The following PCDHGA8 variants were observed in gnomAD, a reference collection of about 807,000 sequenced individuals.
PCDHGA8 encodes protocadherin gamma-A8.
A neutral mutation model predicts 59.2 loss-of-function variants in PCDHGA8; 45 were observed. That is an observed-to-expected ratio of 0.76 (90% CI 0.60 to 0.98). PCDHGA8 has a LOEUF of 0.98. PCDHGA8 is among the 50% of genes least tolerant of loss of function. PCDHGA8 has a pLI of 0.00. For synonymous variants in PCDHGA8, 531 were observed against 519.0 expected, an observed-to-expected ratio of 1.02 and a Z score of -0.32; for missense variants, 1,257 against 1,196.2, an observed-to-expected ratio of 1.05 and a Z score of -0.75.
chr5:141,445,025 C>T (rs2154560886), intron 1 of PCDHGA8, among the ~76,000 whole-genome samples: 2 of 152,200 alleles, frequency 1.3e-5, no homozygotes, highest in Middle Eastern at 6.8e-3. Flanking sequence ...TTTCTCTCAG[C>T]TATGTTGTAT....
intron 1 of PCDHGA8, chr5:141,478,619 A>G: frequency 6.4e-7 from 1 of 1,555,598 alleles, no homozygotes; most frequent in Non-Finnish European, 8.7e-7. Context: ...GAAGGAATGG[A>G]GCTGTTTTTT....
At chr5:141,403,501 G>A in intron 1 of PCDHGA8, 1 of 1,614,048 alleles carries the variant, frequency 6.2e-7, no homozygotes, top group South Asian at 1.1e-5. Context: ...TGAACGTGCA[G>A]ACTGGAGACA....
Position 141,431,473 on chromosome 5 carries a change from C to A in PCDHGA8, c.2424+36236C>A, listed in dbSNP as rs750300971. 16 of 1,613,714 alleles carry A rather than the reference C, an allele frequency of 9.9e-6. 1 individual carries two copies. The highest frequency in any genetic ancestry group is 9.3e-5 in the African/African-American group (7 of 74,948). On this transcript the variant is annotated intron_variant, in intron 1 of 3. Transcript: ENST00000398604. This position sits in a 1 kb window ranked among gnomAD's most constrained non-coding sequence, Gnocchi z 4.8. Reference sequence around the variant, plus strand: ...TGATGGTTCTGGATGCGAACGACAACGCACCAGCGTTTGCTCAGCCCGAGT... The same window carrying A: ...TGATGGTTCTGGATGCGAACGACAAAGCACCAGCGTTTGCTCAGCCCGAGT...
Position 141,420,043 on chromosome 5 carries a change from G to T in PCDHGA8, c.2424+24806G>T, listed in dbSNP as rs747553514. On this transcript the variant is annotated intron_variant, in intron 1 of 3. Coordinates refer to ENST00000398604, the MANE Select transcript of PCDHGA8 (RefSeq NM_032088.2). ...GCCCTACTGCAGGAGACTGCTTTGAGTCAGTTCTCTGCTCCAAGTCCGGAC... is the reference window on the plus strand; with the variant it reads ...GCCCTACTGCAGGAGACTGCTTTGATTCAGTTCTCTGCTCCAAGTCCGGAC... The T allele has an allele frequency of 1.9e-6, 3 of 1,614,078 alleles. No individual in the cohort carries two copies. In the Admixed American group the frequency reaches 5.0e-5, roughly 27 times the overall value.
intron 1 of PCDHGA8, chr5:141,424,504 G>GT (rs892941709): frequency 6.6e-6 from 1 of 152,016 alleles, no homozygotes; most frequent in African/African-American, 2.4e-5. Context: ...TGTATGGAAG[G>GT]TTTTTTAATG....
At chr5:141,463,587 T>TA (rs2099064735) in intron 1 of PCDHGA8, among the ~76,000 whole-genome samples, 1 of 152,058 alleles carries the variant, frequency 6.6e-6, no homozygotes, top group East Asian at 1.9e-4. Context: ...TAGCTGGGAC[T>TA]ACAGGTGCCT....
At chr5:141,501,290 T>TACACACACAC (rs55762287) in intron 2 of PCDHGA8, among the ~76,000 whole-genome samples, 12 of 136,162 alleles carry the variant, frequency 8.8e-5, no homozygotes, top group Admixed American at 4.7e-4. Context: ...TATTCCCTTA[T>TACACACACAC]ACACACACAC....
chr5:141,403,004 T>A, intron 1 of PCDHGA8: 1 of 1,613,990 alleles, frequency 6.2e-7, no homozygotes, highest in Non-Finnish European at 8.5e-7. Context: ...CCTGCTATGC[T>A]CGCTCCTGGG....
chr5:141,478,652 G>A (rs188883724), intron 1 of PCDHGA8: 2 of 1,551,970 alleles, frequency 1.3e-6, no homozygotes, highest in East Asian at 2.4e-5. Flanking sequence ...TGTTTTCCTG[G>A]TGATGCATTC....
intron 1 of PCDHGA8, chr5:141,416,276 A>G (rs553989511): frequency 6.6e-6 from 1 of 152,388 alleles, no homozygotes; most frequent in East Asian, 1.9e-4. Context: ...TTTTGCATAC[A>G]ATTCTCTAAT....
chr5:141,423,806 T>C (rs2096783171), intron 1 of PCDHGA8: 1 of 1,251,576 alleles, frequency 8.0e-7, no homozygotes, highest in Non-Finnish European at 1.0e-6. Flanking sequence ...GCAATACATG[T>C]GAGTTTTACT....
Position 141,475,143 on chromosome 5 carries a change from T to TC in PCDHGA8, c.2425-19662dup, listed in dbSNP as rs372338581. On this transcript the variant is annotated intron_variant, in intron 1 of 3. Transcript: ENST00000398604. ...GGCTTTTTTTCTTTTTGAAATCTTC[T>TC]CCGTCTTCTTCTTCATTAGCAGTGC... Among the ~76,000 whole-genome samples the TC allele has an allele frequency of 4.9e-3, 751 of 152,356 alleles. 5 individuals carry two copies. Among genetic ancestry groups the TC allele is most frequent in the Non-Finnish European group, 6.5e-3 (439 of 68,034 alleles).
intron 2 of PCDHGA8, 147 bp from the exon 3 acceptor site, chr5:141,505,246 G>A (rs2099844792): frequency 2.1e-6 from 3 of 1,436,556 alleles, no homozygotes; most frequent in African/African-American, 1.4e-5. Flanking sequence ...AAGGATTGTA[G>A]AAGTGCCTCC....
intron 3 of PCDHGA8, among the ~76,000 whole-genome samples, chr5:141,506,598 G>A (rs1056005258): frequency 6.6e-6 from 1 of 152,130 alleles, no homozygotes; most frequent in Non-Finnish European, 1.5e-5. Context: ...CAGTATTAAC[G>A]GATCTCATTG....
intron 1 of PCDHGA8, among the ~76,000 whole-genome samples, chr5:141,438,614 A>G (rs1208036297): frequency 5.8e-5 from 2 of 34,396 alleles, no homozygotes. Context: ...ATATATATAT[A>G]TATATATATA....
In PCDHGA8 at chr5:141,486,001, C is replaced by T. The variant is rs771993915; in HGVS notation, c.2425-8806C>T. ...ACCCGGACCTGGGTCCCAGTGGTAA[C>T]GTCACCTTTTATTTCAGTGGTCATA... On this transcript the variant is annotated intron_variant, in intron 1 of 3. Coordinates refer to ENST00000398604, the MANE Select transcript of PCDHGA8 (RefSeq NM_032088.2). This position sits in a 1 kb window ranked among gnomAD's most constrained non-coding sequence, Gnocchi z 5.0. The T allele has an allele frequency of 2.5e-6, 4 of 1,614,076 alleles. No homozygotes were observed. The highest frequency in any genetic ancestry group is 8.5e-7 in the Non-Finnish European group (1 of 1,180,032).
chr5:141,485,735 G>C lies in PCDHGA8; in HGVS notation c.2425-9072G>C, dbSNP rs1562107417. ...ACTGGATGTGAAGAAGCGCAGCGAC[G>C]GCAGCCTGGTCCCAGAGCTGCTCCT... is the stretch of plus-strand genomic sequence containing the variant. On this transcript the variant is annotated intron_variant, in intron 1 of 3. Coordinates refer to ENST00000398604, the MANE Select transcript of PCDHGA8 (RefSeq NM_032088.2). This position sits in a 1 kb window ranked among gnomAD's most constrained non-coding sequence, Gnocchi z 5.7. 2.5e-6 allele frequency: 4 copies of C among 1,614,048 alleles called. No individual in the cohort carries two copies. The highest frequency in any genetic ancestry group is 3.4e-6 in the Non-Finnish European group (4 of 1,180,044).
chr5:141,399,731 CGCCTGCGCTCAGCGCAAACGTGA>C (rs777966215), intron 1 of PCDHGA8: 5 of 1,613,174 alleles, frequency 3.1e-6, no homozygotes, highest in Admixed American at 1.7e-5. Flanking sequence ...GACCAGGGCT[CGCCTGCGCTCAGCGCAAACGTGA>C]GCCTGCGCGT....
At chr5:141,403,631 C>T (rs751580878) in intron 1 of PCDHGA8, 8 of 1,613,912 alleles carry the variant, frequency 5.0e-6, no homozygotes, top group South Asian at 2.2e-5. Context: ...CAGCACAGTG[C>T]GCATCCATGT....
Sources: allele counts gnomAD v4.1 joint callset (sites outside exome capture counted in the v4.1 genomes callset), GRCh38; gene constraint gnomAD v4.1.1; non-coding constraint Gnocchi (gnomAD v3.1); transcripts MANE v1.5; gene names NCBI Gene and HGNC (gene_info 2026-07-23, HGNC 2026-07-21).